CDC42BPA: variants seen among roughly 807,000 people sequenced by gnomAD.
CDC42BPA encodes CDC42 binding protein kinase alpha.
Under a neutral mutation model 223.5 loss-of-function variants are expected in CDC42BPA, and 80 were observed. The observed-to-expected ratio is 0.36, with a 90% CI of 0.30 to 0.43. The LOEUF is 0.43. CDC42BPA is among the 20% of genes least tolerant of loss of function. CDC42BPA has a pLI of 1.00. For missense variants in CDC42BPA, 1,743 were observed against 2,099.9 expected (o/e 0.83, Z 3.32); for synonymous variants, 694 against 718.6 (o/e 0.97, Z 0.55).
Position 226,994,215 on chromosome 1 carries a change from G to C in CDC42BPA, c.*53C>G. 6.5e-7 allele frequency: 1 copy of C among 1,529,900 alleles called. No homozygotes were observed. The highest frequency in any genetic ancestry group is 8.8e-7 in the Non-Finnish European group (1 of 1,131,076). The allele number at this position is 1,529,900 out of a possible 1,614,324, so 94.8% of individuals were successfully genotyped here. A position where few individuals can be genotyped will look rare whatever the true frequency, so the allele number is the denominator to read the frequency against. On this transcript the variant is annotated 3_prime_UTR_variant, in exon 37 of 37. Coordinates refer to ENST00000366766, the MANE Select transcript of CDC42BPA (RefSeq NM_001394014.1). This position sits in a 1 kb window ranked among gnomAD's most constrained non-coding sequence, Gnocchi z 4.0. The stretch of plus-strand genomic sequence containing the variant: ...AGGTGGAGGGAAGAGATGAAAGTGA[G>C]AGGAGGCGAGTGGCAGGGAGCGGAG...
At chr1:227,115,464 C>T (rs979662338) in intron 12 of CDC42BPA, among the ~76,000 whole-genome samples, 2 of 151,308 alleles carry the variant, frequency 1.3e-5, no homozygotes, top group African/African-American at 4.9e-5. Flanking sequence ...GTAAACATCA[C>T]TATAATGAAA....
At chr1:227,288,875 T>A (rs1689231491) in intron 1 of CDC42BPA, among the ~76,000 whole-genome samples, 1 of 151,980 alleles carries the variant, frequency 6.6e-6, no homozygotes, top group African/African-American at 2.4e-5. Flanking sequence ...GTGCCTGTAA[T>A]CCCAGCTATT....
intron 5 of CDC42BPA, among the ~76,000 whole-genome samples, chr1:227,165,358 G>A (rs1238086608): frequency 6.6e-6 from 1 of 152,198 alleles, no homozygotes; most frequent in Non-Finnish European, 1.5e-5. Context: ...ACAAGGTTGG[G>A]AGAAAGGAAC....
intron 1 of CDC42BPA, among the ~76,000 whole-genome samples, chr1:227,292,776 T>C (rs1356077505): frequency 6.6e-6 from 1 of 152,176 alleles, no homozygotes; most frequent in East Asian, 1.9e-4. Flanking sequence ...TAGCACAAGG[T>C]AGACATTCAA....
chr1:227,177,136 AAT>A (rs1553378356), intron 5 of CDC42BPA, among the ~76,000 whole-genome samples: 2 of 147,512 alleles, frequency 1.4e-5, no homozygotes, highest in Non-Finnish European at 3.0e-5. Flanking sequence ...AGAAAAAAAA[AAT>A]ATATATATAT....
chr1:227,241,120 G>C (rs926553382), intron 2 of CDC42BPA, among the ~76,000 whole-genome samples: 3 of 151,956 alleles, frequency 2.0e-5, no homozygotes, highest in Non-Finnish European at 4.4e-5. Flanking sequence ...TGATTATGCT[G>C]ATATATAACA....
intron 26 of CDC42BPA, among the ~76,000 whole-genome samples, chr1:227,034,453 C>CA (rs1229055543): frequency 2.0e-5 from 3 of 152,302 alleles, no homozygotes; most frequent in Admixed American, 2.0e-4. Context: ...CCTAGCCCCT[C>CA]ACACTCAACA....
intron 2 of CDC42BPA, among the ~76,000 whole-genome samples, chr1:227,238,535 A>G (rs994183969): frequency 6.6e-6 from 1 of 152,224 alleles, no homozygotes; most frequent in African/African-American, 2.4e-5. Flanking sequence ...AGTAGTTGCC[A>G]CAGAGAACAT....
chr1:227,016,324 A>C (rs1666241447), intron 33 of CDC42BPA, 127 bp from the exon 34 acceptor site: 1 of 663,568 alleles, frequency 1.5e-6, no homozygotes, highest in East Asian at 2.8e-5. Context: ...AATATAGAGT[A>C]ACAGAATATA....
At chr1:227,024,293 T>C (rs897616870) in intron 31 of CDC42BPA, among the ~76,000 whole-genome samples, 1 of 152,210 alleles carries the variant, frequency 6.6e-6, no homozygotes, top group Non-Finnish European at 1.5e-5. Flanking sequence ...TGTAACCATT[T>C]ACAAAACCTA....
intron 2 of CDC42BPA, among the ~76,000 whole-genome samples, chr1:227,219,666 C>A (rs529440669): frequency 1.7e-4 from 26 of 152,098 alleles, no homozygotes; most frequent in Non-Finnish European, 3.1e-4. Context: ...GTGAGCCTAC[C>A]CACTGGGCCT....
intron 23 of CDC42BPA, among the ~76,000 whole-genome samples, chr1:227,044,870 T>C (rs1672109352): frequency 6.6e-6 from 1 of 152,200 alleles, no homozygotes; most frequent in African/African-American, 2.4e-5. Context: ...AAATTAATAG[T>C]TCCCCTCCCA....
chr1:227,250,263 G>A (rs566235962), intron 2 of CDC42BPA, among the ~76,000 whole-genome samples: 42 of 152,078 alleles, frequency 2.8e-4, no homozygotes, highest in Non-Finnish European at 5.9e-4. Flanking sequence ...CAAGATGGGT[G>A]CATCACCTGA....
rs374520648 is a variant in CDC42BPA, at chr1:227,062,610, C to T, written c.2904+7167G>A. ...ATAAGACTTCAAACTTAAATATTCTCAATAAATATTGAATGAATCCTTCTG... is the reference window on the plus strand; with the variant it reads ...ATAAGACTTCAAACTTAAATATTCTTAATAAATATTGAATGAATCCTTCTG... On this transcript the variant is annotated intron_variant, in intron 21 of 36. Transcript: ENST00000366766. 3.8e-4 allele frequency among the ~76,000 whole-genome samples: 58 copies of T among 152,226 alleles called. No individual in the cohort carries two copies. In the South Asian group the frequency reaches 4.1e-3, roughly 11 times the overall value.
intron 15 of CDC42BPA, among the ~76,000 whole-genome samples, chr1:227,099,651 A>C (rs2149300484): frequency 6.6e-6 from 1 of 152,038 alleles, no homozygotes. Context: ...CCATCATTCT[A>C]CTTGAGCCAC....
At chr1:227,309,124 G>C (rs1194129608) in intron 1 of CDC42BPA, among the ~76,000 whole-genome samples, 1 of 151,508 alleles carries the variant, frequency 6.6e-6, no homozygotes, top group Non-Finnish European at 1.5e-5. Context: ...CAGCACTTTG[G>C]GGAGGCCAAG....
At chr1:227,166,689 T>C (rs972196989) in intron 5 of CDC42BPA, among the ~76,000 whole-genome samples, 1 of 152,204 alleles carries the variant, frequency 6.6e-6, no homozygotes, top group African/African-American at 2.4e-5. Flanking sequence ...ACCCTGGTTC[T>C]TTCTGTACTC....
intron 11 of CDC42BPA, among the ~76,000 whole-genome samples, chr1:227,125,334 G>T (rs1221529072): frequency 6.6e-6 from 1 of 151,942 alleles, no homozygotes; most frequent in Non-Finnish European, 1.5e-5. Context: ...GAAAAATGCT[G>T]GGTGTGGTTA....
chr1:227,045,679 T>C (rs1417666960), intron 23 of CDC42BPA, among the ~76,000 whole-genome samples: 1 of 152,250 alleles, frequency 6.6e-6, no homozygotes, highest in Admixed American at 6.5e-5. Flanking sequence ...AAATTTATCT[T>C]GTGACTCATC....
Sources: gnomAD v4.1 joint callset for allele counts (sites outside exome capture counted in the v4.1 genomes callset) on GRCh38, gnomAD v4.1.1 for gene constraint, Gnocchi (gnomAD v3.1) non-coding constraint, MANE v1.5 for transcripts, NCBI Gene and HGNC (gene_info 2026-07-23, HGNC 2026-07-21) for gene names.